GRIK4: variants seen among roughly 807,000 people sequenced by gnomAD.
GRIK4 encodes the protein glutamate receptor ionotropic, kainate 4.
Under a neutral mutation model 104.9 loss-of-function variants are expected in GRIK4, and 40 were observed. The ratio of observed to expected loss-of-function variants is 0.38; its 90% CI spans 0.30 to 0.50. GRIK4 has a LOEUF of 0.50. Ranked by LOEUF, GRIK4 falls within the 20% of genes least tolerant of loss-of-function variation. The probability of loss-of-function intolerance (pLI) is 0.93; values close to 1 mark genes in which losing one functional copy is unlikely to be tolerated. For synonymous variants in GRIK4, 485 were observed against 524.9 expected (o/e 0.92, Z 1.04); for missense variants, 1,047 against 1,308.1 (o/e 0.80, Z 3.08).
At chr11:120,577,439 G>C (rs906254256) in intron 1 of GRIK4, among the ~76,000 whole-genome samples, 22 of 151,970 alleles carry the variant, frequency 1.4e-4, no homozygotes, top group Non-Finnish European at 2.5e-4. Context: ...AGGTGGATGG[G>C]AGCCCATTCC....
At chr11:120,637,381 C>T (rs1182761006) in intron 1 of GRIK4, among the ~76,000 whole-genome samples, 1 of 152,126 alleles carries the variant, frequency 6.6e-6, no homozygotes, top group Non-Finnish European at 1.5e-5. Context: ...CTTGGCAAAT[C>T]CCCTTCACAG....
At chr11:120,793,391 C>T (rs553770078) in intron 3 of GRIK4, among the ~76,000 whole-genome samples, 1 of 151,962 alleles carries the variant, frequency 6.6e-6, no homozygotes, top group Non-Finnish European at 1.5e-5. Context: ...CACAGGGGAG[C>T]CAGCAGGCCT....
chr11:120,666,445 G>A (rs1177188740), intron 3 of GRIK4, among the ~76,000 whole-genome samples: 1 of 152,210 alleles, frequency 6.6e-6, no homozygotes, highest in Admixed American at 6.5e-5. Context: ...CGACGCCTGG[G>A]GGCTCACAAA....
intron 8 of GRIK4, among the ~76,000 whole-genome samples, chr11:120,841,151 A>T (rs1953703345): frequency 6.6e-6 from 1 of 152,066 alleles, no homozygotes; most frequent in South Asian, 2.1e-4. Flanking sequence ...ATTTAAGTAC[A>T]CTTTTCAGTG....
chr11:120,628,526 TC>T (rs1163584614), intron 1 of GRIK4, among the ~76,000 whole-genome samples: 1 of 152,110 alleles, frequency 6.6e-6, no homozygotes, highest in Non-Finnish European at 1.5e-5. Flanking sequence ...GGAGCTGTGC[TC>T]CCGAGGGCCC....
chr11:120,558,480 C>T (rs1003158232), intron 1 of GRIK4, among the ~76,000 whole-genome samples: 1 of 152,110 alleles, frequency 6.6e-6, no homozygotes, highest in African/African-American at 2.4e-5. Flanking sequence ...CCCAGCTACT[C>T]GGGAGGCTGA....
rs145652360 is a variant in GRIK4, at chr11:120,845,557, T to C, written c.744+8713T>C. 1.9e-4 allele frequency among the ~76,000 whole-genome samples: 29 copies of C among 152,220 alleles called. No homozygotes were observed. In the East Asian group the frequency reaches 5.6e-3, roughly 29 times the overall value. On this transcript the variant is annotated intron_variant, in intron 8 of 20. Transcript: ENST00000527524. The stretch of plus-strand genomic sequence containing the variant: ...CAGTTGGCCTCTCACCTAGTTGAAC[T>C]GTAATTCCCAGGATGCTTGAGCCTT...
intron 1 of GRIK4, among the ~76,000 whole-genome samples, chr11:120,649,230 G>T (rs1307744189): frequency 1.3e-5 from 2 of 152,176 alleles, no homozygotes; most frequent in Non-Finnish European, 2.9e-5. Flanking sequence ...GCTGAGGGGG[G>T]CTGATTCTGG....
intron 9 of GRIK4, chr11:120,872,012 C>T: frequency 2.3e-6 from 1 of 430,352 alleles, no homozygotes; most frequent in Middle Eastern, 3.7e-4. Context: ...GCCCATCCAC[C>T]CTGCCTGTAG....
At chr11:120,542,552 A>G (rs143433161) in intron 1 of GRIK4, among the ~76,000 whole-genome samples, 279 of 152,394 alleles carry the variant, frequency 1.8e-3, no homozygotes, top group Middle Eastern at 6.8e-3. Context: ...TGCAAGCCAT[A>G]TATTTGATAA....
At chr11:120,897,313 T>C (rs1434292122) in intron 11 of GRIK4, among the ~76,000 whole-genome samples, 1 of 151,432 alleles carries the variant, frequency 6.6e-6, no homozygotes, top group African/African-American at 2.4e-5. Flanking sequence ...ACAACAGTAA[T>C]GTATTGTACA....
At chr11:120,835,918 C>T (rs1257653217) in intron 7 of GRIK4, among the ~76,000 whole-genome samples, 1 of 152,158 alleles carries the variant, frequency 6.6e-6, no homozygotes, top group Non-Finnish European at 1.5e-5. Flanking sequence ...GGAGTGATGC[C>T]ACACTGATGC....
intron 6 of GRIK4, among the ~76,000 whole-genome samples, chr11:120,824,859 T>C (rs1032421644): frequency 1.3e-5 from 2 of 151,508 alleles, no homozygotes; most frequent in East Asian, 3.9e-4. Context: ...CTTATTTTAT[T>C]ATTATTATTT....
chr11:120,887,904 A>C (rs1438774421), intron 11 of GRIK4, among the ~76,000 whole-genome samples: 1 of 152,154 alleles, frequency 6.6e-6, no homozygotes, highest in Non-Finnish European at 1.5e-5. Context: ...ATTCAGGCTG[A>C]AGCTTGGTGG....
At chr11:120,534,255 T>C (rs1947949775) in intron 1 of GRIK4, among the ~76,000 whole-genome samples, 1 of 152,070 alleles carries the variant, frequency 6.6e-6, no homozygotes, top group African/African-American at 2.4e-5. Flanking sequence ...ACCAAGACAC[T>C]GGAGATGGGA....
intron 3 of GRIK4, among the ~76,000 whole-genome samples, chr11:120,676,671 C>T (rs1950103733): frequency 6.6e-6 from 1 of 152,216 alleles, no homozygotes; most frequent in Non-Finnish European, 1.5e-5. Context: ...CAGAACAGCA[C>T]CAAGCCATTC....
intron 3 of GRIK4, among the ~76,000 whole-genome samples, chr11:120,709,639 A>G (rs1001514079): frequency 6.6e-6 from 1 of 152,106 alleles, no homozygotes. Flanking sequence ...TTTATATGAC[A>G]CCTCTGACTG....
intron 13 of GRIK4, among the ~76,000 whole-genome samples, chr11:120,919,817 G>A (rs1334758797): frequency 6.6e-6 from 1 of 152,206 alleles, no homozygotes; most frequent in South Asian, 2.1e-4. Flanking sequence ...GGAGACAACA[G>A]GGAAGGGAGG....
chr11:120,699,798 G>A (rs953911285), intron 3 of GRIK4, among the ~76,000 whole-genome samples: 7 of 152,176 alleles, frequency 4.6e-5, no homozygotes, highest in Admixed American at 3.9e-4. Context: ...ATGTGCAAAC[G>A]TGCAGGGACC....
Sources: gnomAD v4.1 joint callset for allele counts (sites outside exome capture counted in the v4.1 genomes callset) on GRCh38, gnomAD v4.1.1 for gene constraint, MANE v1.5 for transcripts, NCBI Gene and HGNC (gene_info 2026-07-23, HGNC 2026-07-21) for gene names.